The following ESRRB variants were observed in gnomAD, a reference collection of about 807,000 sequenced individuals.
ESRRB encodes the protein steroid hormone receptor ERR2.
In ESRRB, 16 loss-of-function variants were observed where a neutral mutation model predicts 46.0. The observed-to-expected ratio is 0.35, with a 90% CI of 0.24 to 0.53. ESRRB has a LOEUF of 0.53. Among genes scored for constraint, ESRRB ranks in the 20% least tolerant of loss-of-function variants. The pLI is 0.93. For synonymous variants in ESRRB, 246 were observed against 259.6 expected (o/e 0.95, Z 0.50); for missense variants, 488 against 607.4 (o/e 0.80, Z 2.07).
intron 3 of ESRRB, among the ~76,000 whole-genome samples, chr14:76,480,730 T>TG (rs1889774828): frequency 6.6e-6 from 1 of 152,156 alleles, no homozygotes; most frequent in South Asian, 2.1e-4. Flanking sequence ...CTGTTTCTTC[T>TG]GCTCCCCATC....
intron 2 of ESRRB, among the ~76,000 whole-genome samples, chr14:76,445,684 CTTT>C (rs940535821): frequency 4.6e-5 from 6 of 130,628 alleles, no homozygotes; most frequent in Non-Finnish European, 4.9e-5. Flanking sequence ...CTCCACCAAT[CTTT>C]TTTTTTTTTT....
chr14:76,496,858 G>A (rs780444598), intron 6 of ESRRB, among the ~76,000 whole-genome samples: 1 of 152,310 alleles, frequency 6.6e-6, no homozygotes, highest in African/African-American at 2.4e-5. Context: ...GCTGGCTGCG[G>A]TTTACCCCAC....
chr14:76,334,962 T>G (rs957542557), intron 1 of ESRRB, among the ~76,000 whole-genome samples: 1 of 152,168 alleles, frequency 6.6e-6, no homozygotes, highest in African/African-American at 2.4e-5. Flanking sequence ...GAGGTGACTC[T>G]TCATTCTCTG....
chr14:76,388,535 A>C (rs911123550), intron 1 of ESRRB, among the ~76,000 whole-genome samples: 1 of 84,582 alleles, frequency 1.2e-5, no homozygotes, highest in African/African-American at 4.7e-5. Context: ...GTGTAGATCT[A>C]ACACTTGGGC....
chr14:76,330,231 C>A (rs1283815561), intron 1 of ESRRB, among the ~76,000 whole-genome samples: 1 of 152,086 alleles, frequency 6.6e-6, no homozygotes, highest in African/African-American at 2.4e-5. Context: ...GGCTGGCTCC[C>A]GAATAAATCT....
Position 76,485,233 on chromosome 14 carries a change from A to ATTTT in ESRRB, c.850+2495_850+2498dup, listed in dbSNP as rs34504939. 2.6e-3 allele frequency among the ~76,000 whole-genome samples: 238 copies of ATTTT among 91,852 alleles called. 7 individuals are homozygous for ATTTT. Among genetic ancestry groups the ATTTT allele is most frequent in the African/African-American group, 5.7e-3 (135 of 23,764 alleles). The allele number at this position is 91,852 out of a possible 152,430, so 60.3% of individuals were successfully genotyped here. On this transcript the variant is annotated intron_variant, in intron 5 of 6. Transcript: ENST00000644823. ...GGGCAATGACACAATCAAATGCCTG[A>ATTTT]TTTTTTTTTTTTTTTTTTTTTTTTG...
At chr14:76,371,503 C>T (rs1043814491), upstream of ESRRB, 1 of 152,306 alleles carries the variant, frequency 6.6e-6, no homozygotes, top group African/African-American at 2.4e-5. Context: ...CTGCCCTAGC[C>T]CTCACCCTGG....
In ESRRB at chr14:76,482,143, T is replaced by C. The variant is rs1444635768; in HGVS notation, c.688+17T>C. On this transcript the variant is annotated intron_variant, in intron 4 of 6. Coordinates refer to ENST00000644823, the MANE Select transcript of ESRRB (RefSeq NM_001379180.1). This position sits in a 1 kb window ranked among gnomAD's most constrained non-coding sequence, Gnocchi z 4.3. ...AAAAGCCATGTGAGTGTCAGGGCAG[T>C]CCCTGCCCCTTTTGCCAGCATCTGT... 1 of 1,570,106 alleles carries C rather than the reference T, an allele frequency of 6.4e-7. No individual in the cohort carries two copies. The highest frequency in any genetic ancestry group is 1.3e-5 in the African/African-American group (1 of 74,202).
intron 5 of ESRRB, among the ~76,000 whole-genome samples, chr14:76,488,713 C>T (rs1006273613): frequency 6.6e-6 from 1 of 152,188 alleles, no homozygotes; most frequent in Non-Finnish European, 1.5e-5. Flanking sequence ...TCCAGGGGCA[C>T]CTGGGCATGT....
chr14:76,382,895 A>G (rs148969336), intron 1 of ESRRB, among the ~76,000 whole-genome samples: 3 of 152,254 alleles, frequency 2.0e-5, no homozygotes, highest in Non-Finnish European at 4.4e-5. Context: ...ACTCTATTCA[A>G]TATTGTCATT....
intron 1 of ESRRB, among the ~76,000 whole-genome samples, chr14:76,418,114 C>A (rs60378016): frequency 2.0e-5 from 3 of 151,762 alleles, no homozygotes; most frequent in African/African-American, 7.3e-5. Flanking sequence ...CGCCACCATG[C>A]GTGGCTAATT....
At chr14:76,473,163 G>A (rs943591369) in intron 3 of ESRRB, among the ~76,000 whole-genome samples, 26 of 152,170 alleles carry the variant, frequency 1.7e-4, no homozygotes, top group Admixed American at 2.6e-4. Flanking sequence ...TGAACGAGTC[G>A]CCTGACCTTT....
chr14:76,375,331 T>G (rs1884725791), upstream of ESRRB, among the ~76,000 whole-genome samples: 1 of 152,156 alleles, frequency 6.6e-6, no homozygotes, highest in Admixed American at 6.5e-5. Context: ...GGGATGCAGG[T>G]GCGTTTGTAG....
chr14:76,439,838 G>A (rs931917294), intron 2 of ESRRB, 88 bp downstream of exon 2: 2 of 1,446,026 alleles, frequency 1.4e-6, no homozygotes, highest in Non-Finnish European at 1.9e-6. Context: ...GGAATTCCCA[G>A]AGACTGCCAA....
At chr14:76,363,504 C>T (rs1595055166) in intron 1 of ESRRB, among the ~76,000 whole-genome samples, 1 of 152,210 alleles carries the variant, frequency 6.6e-6, no homozygotes, top group Non-Finnish European at 1.5e-5. Flanking sequence ...GGCATCATTC[C>T]ATAAAATCAA....
chr14:76,477,909 A>C (rs1889644970), intron 3 of ESRRB, among the ~76,000 whole-genome samples: 1 of 152,168 alleles, frequency 6.6e-6, no homozygotes, highest in Non-Finnish European at 1.5e-5. Context: ...TTATTGGGGA[A>C]ATCACTGAAT....
At chr14:76,344,059 G>C (rs941713016) in intron 1 of ESRRB, among the ~76,000 whole-genome samples, 1 of 152,218 alleles carries the variant, frequency 6.6e-6, no homozygotes, top group African/African-American at 2.4e-5. Flanking sequence ...GGTGCCTGCG[G>C]CAATAATTAT....
intron 1 of ESRRB, among the ~76,000 whole-genome samples, chr14:76,338,186 T>G (rs1884150873): frequency 6.6e-6 from 1 of 152,256 alleles, no homozygotes; most frequent in Admixed American, 6.5e-5. Flanking sequence ...TGTCAGGATC[T>G]TATCACCAGT....
At chr14:76,388,024 A>G (rs1404426234) in intron 1 of ESRRB, among the ~76,000 whole-genome samples, 2 of 152,162 alleles carry the variant, frequency 1.3e-5, no homozygotes, top group Admixed American at 6.5e-5. Context: ...AGGTAAAGAA[A>G]CTGAGGTACA....
Sources: gnomAD v4.1 joint callset for allele counts (sites outside exome capture counted in the v4.1 genomes callset) on GRCh38, gnomAD v4.1.1 for gene constraint, Gnocchi (gnomAD v3.1) non-coding constraint, MANE v1.5 for transcripts, NCBI Gene and HGNC (gene_info 2026-07-23, HGNC 2026-07-21) for gene names.